Variants in AKT3 observed in about 807,000 individuals in gnomAD.
The protein encoded by AKT3 is AKT serine/threonine kinase 3, also known as RAC-gamma serine/threonine-protein kinase.
AKT3 carries 15 observed loss-of-function variants against 65.3 expected under a neutral mutation model. The ratio of observed to expected loss-of-function variants is 0.23; its 90% CI spans 0.15 to 0.35. The LOEUF is 0.35. Among genes scored for constraint, AKT3 ranks in the 10% least tolerant of loss-of-function variants. The pLI, the probability that AKT3 is intolerant of heterozygous loss-of-function variation, is 1.00. For synonymous variants in AKT3, 206 were observed against 183.8 expected, an observed-to-expected ratio of 1.12 and a Z score of -0.98; for missense variants, 243 against 576.5, an observed-to-expected ratio of 0.42 and a Z score of 5.92.
In AKT3 at chr1:243,565,612, C is replaced by A. The variant is rs12048730; in HGVS notation, c.820-1764G>T. 2.2e-3 allele frequency among the ~76,000 whole-genome samples: 331 copies of A among 152,302 alleles called. 9 individuals are homozygous for A. The East Asian group carries it at 0.053, about 25-fold the overall frequency. On this transcript the variant is annotated intron_variant, in intron 9 of 13. Transcript: ENST00000673466. The stretch of plus-strand genomic sequence containing the variant: ...CCAGAACCTAGAAACCAAACCCAAT[C>A]TGCACAAATGACAATAAGTCTTGTA...
intron 2 of AKT3, among the ~76,000 whole-genome samples, chr1:243,763,448 CT>C (rs1465042362): frequency 6.6e-6 from 1 of 152,020 alleles, no homozygotes; most frequent in Non-Finnish European, 1.5e-5. Flanking sequence ...TTACTTTAGG[CT>C]TGAGCTCAAA....
At chr1:243,725,240 G>A (rs577474373) in intron 2 of AKT3, among the ~76,000 whole-genome samples, 4 of 151,964 alleles carry the variant, frequency 2.6e-5, no homozygotes, top group African/African-American at 9.6e-5. Context: ...TGCAATAAGG[G>A]CAGTAAGAAA....
At position 243,500,682 on chromosome 1, in the gene AKT3, A is replaced by G; in HGVS notation, c.*4567T>C. 4.3e-6 allele frequency: 1 copy of G among 229,954 alleles called. No individual in the cohort carries two copies. Among genetic ancestry groups the G allele is most frequent in the East Asian group, 6.2e-5 (1 of 16,152 alleles). 14.2% of individuals were successfully genotyped at this position (229,954 alleles called of 1,614,324 possible). A position where few individuals can be genotyped will look rare whatever the true frequency, so the allele number is the denominator to read the frequency against. On this transcript the variant is annotated 3_prime_UTR_variant, in exon 14 of 14. Coordinates refer to ENST00000673466, the MANE Select transcript of AKT3 (RefSeq NM_005465.7). Reference sequence around the variant, plus strand: ...CTTCGGCTGCCCTGCCTGGCCAGCGAGCCATCATCCTCATCACCATCTCAA... The same window carrying G: ...CTTCGGCTGCCCTGCCTGGCCAGCGGGCCATCATCCTCATCACCATCTCAA...
At chr1:243,610,612 A>T (rs1049289891) in intron 8 of AKT3, among the ~76,000 whole-genome samples, 1 of 152,204 alleles carries the variant, frequency 6.6e-6, no homozygotes, top group Non-Finnish European at 1.5e-5. Flanking sequence ...CAACTATTAG[A>T]TAATACATGT....
At chr1:243,510,617 C>T (rs1199577203) in intron 13 of AKT3, among the ~76,000 whole-genome samples, 1 of 152,178 alleles carries the variant, frequency 6.6e-6, no homozygotes, top group Non-Finnish European at 1.5e-5. Flanking sequence ...TAAATACTGT[C>T]CCCAGAGCCC....
intron 11 of AKT3, among the ~76,000 whole-genome samples, chr1:243,547,852 A>G (rs1672781688): frequency 6.6e-6 from 1 of 152,158 alleles, no homozygotes; most frequent in Non-Finnish European, 1.5e-5. Context: ...CAACTCCCAG[A>G]TCCTTATAGA....
chr1:243,628,870 T>C (rs1377344485), intron 6 of AKT3, among the ~76,000 whole-genome samples: 1 of 152,228 alleles, frequency 6.6e-6, no homozygotes, highest in Non-Finnish European at 1.5e-5. Context: ...CTCCTTGCAA[T>C]GATGGATGAA....
chr1:243,561,882 C>T (rs1181150182), intron 10 of AKT3, among the ~76,000 whole-genome samples: 1 of 152,118 alleles, frequency 6.6e-6, no homozygotes, highest in Non-Finnish European at 1.5e-5. Flanking sequence ...ATCTCACATG[C>T]TCTTCTGTAA....
At chr1:243,709,291 A>G (rs1473920473) in intron 2 of AKT3, among the ~76,000 whole-genome samples, 1 of 133,576 alleles carries the variant, frequency 7.5e-6, no homozygotes, top group Non-Finnish European at 1.6e-5. Context: ...GCATTAAAAG[A>G]AAAAAAAAAA....
intron 2 of AKT3, among the ~76,000 whole-genome samples, chr1:243,705,040 T>C (rs1685708019): frequency 6.6e-6 from 1 of 152,192 alleles, no homozygotes; most frequent in African/African-American, 2.4e-5. Flanking sequence ...GCTTTCCAGA[T>C]GTACCCACAT....
downstream of AKT3, among the ~76,000 whole-genome samples, chr1:243,495,285 G>A (rs1402281609): frequency 6.6e-6 from 1 of 152,220 alleles, no homozygotes; most frequent in Non-Finnish European, 1.5e-5. Flanking sequence ...TCGAGATGCT[G>A]TCTTACGGAA....
chr1:243,724,070 A>G (rs1687069085), intron 2 of AKT3, among the ~76,000 whole-genome samples: 1 of 152,176 alleles, frequency 6.6e-6, no homozygotes, highest in Non-Finnish European at 1.5e-5. Context: ...TCATTTTATA[A>G]CAAACATAAA....
chr1:243,758,358 T>C (rs947151580), intron 2 of AKT3, among the ~76,000 whole-genome samples: 2 of 152,204 alleles, frequency 1.3e-5, no homozygotes, highest in African/African-American at 4.8e-5. Context: ...TAAAACGATG[T>C]GAGGAAGCTC....
chr1:243,615,762 T>C (rs1256316017), intron 6 of AKT3, among the ~76,000 whole-genome samples: 1 of 152,064 alleles, frequency 6.6e-6, no homozygotes, highest in African/African-American at 2.4e-5. Context: ...GCCAAGTTCT[T>C]GCTCTGTTGC....
At chr1:243,648,859 AAG>A (rs1681050685) in intron 4 of AKT3, among the ~76,000 whole-genome samples, 1 of 151,924 alleles carries the variant, frequency 6.6e-6, no homozygotes, top group Non-Finnish European at 1.5e-5. Context: ...ATTTTTTTCA[AAG>A]AGTACTTTTG....
At chr1:243,515,657 T>A (rs1045943308) in intron 12 of AKT3, among the ~76,000 whole-genome samples, 3 of 152,236 alleles carry the variant, frequency 2.0e-5, no homozygotes, top group African/African-American at 7.2e-5. Flanking sequence ...TTTTAGCATA[T>A]ATATTCATTA....
chr1:243,532,527 T>G (rs893786294), intron 12 of AKT3, among the ~76,000 whole-genome samples: 1 of 152,224 alleles, frequency 6.6e-6, no homozygotes, highest in Admixed American at 6.5e-5. Flanking sequence ...AGGTGTACAA[T>G]CCTTTAATTA....
intron 8 of AKT3, among the ~76,000 whole-genome samples, chr1:243,593,544 G>A (rs1294906202): frequency 6.6e-6 from 1 of 152,124 alleles, no homozygotes; most frequent in Admixed American, 6.5e-5. Context: ...AAAATTAGCT[G>A]GGTGCAGTGG....
intron 8 of AKT3, among the ~76,000 whole-genome samples, chr1:243,594,483 C>T (rs1327163283): frequency 6.6e-6 from 1 of 152,144 alleles, no homozygotes; most frequent in Non-Finnish European, 1.5e-5. Context: ...CCCAAAGCAA[C>T]AATTATCAAG....
Sources: allele counts gnomAD v4.1 joint callset (sites outside exome capture counted in the v4.1 genomes callset), GRCh38; gene constraint gnomAD v4.1.1; transcripts MANE v1.5; gene names NCBI Gene and HGNC (gene_info 2026-07-23, HGNC 2026-07-21).